The following PDE4C variants were observed in gnomAD, a reference collection of about 807,000 sequenced individuals.
PDE4C encodes the protein phosphodiesterase 4C.
In PDE4C, 50 loss-of-function variants were observed where a neutral mutation model predicts 63.9. The ratio of observed to expected loss-of-function variants is 0.78; its 90% CI spans 0.62 to 0.99. The LOEUF (loss-of-function observed/expected upper bound fraction) is 0.99, where lower values mean the gene tolerates loss of function less well. PDE4C is among the 50% of genes least tolerant of loss of function. The pLI is 0.00. For synonymous variants in PDE4C, 377 were observed against 385.1 expected (o/e 0.98, Z 0.25); for missense variants, 777 against 899.1 (o/e 0.86, Z 1.74).
rs774114607 is a variant in PDE4C, at chr19:18,226,441, C to G, written c.-26G>C. 5 of 1,368,120 alleles carry G rather than the reference C, an allele frequency of 3.7e-6. No individual in the cohort carries two copies. Among genetic ancestry groups the G allele is most frequent in the East Asian group, 3.1e-5 (1 of 32,204 alleles). The allele number at this position is 1,368,120 out of a possible 1,614,324, so 84.7% of individuals were successfully genotyped here. On this transcript the variant is annotated 5_prime_UTR_variant, in exon 1 of 15. Coordinates refer to ENST00000262805, the Ensembl canonical transcript of PDE4C. Reference sequence around the variant, plus strand: ...CGCCAGGACTGCGTGGAGGCTGGACCGAGCGCCGGCTGCGCGGGACCTTTT... The same window carrying G: ...CGCCAGGACTGCGTGGAGGCTGGACGGAGCGCCGGCTGCGCGGGACCTTTT...
At chr19:18,248,046 C>A in intron 1 of PDE4C, 1 of 381,654 alleles carries the variant, frequency 2.6e-6, no homozygotes, top group Non-Finnish European at 5.3e-6. Flanking sequence ...ATGGGAGACC[C>A]ATTCAGCTCC....
upstream of PDE4C, among the ~76,000 whole-genome samples, chr19:18,238,669 A>C (rs1456012656): frequency 6.6e-6 from 1 of 152,118 alleles, no homozygotes; most frequent in African/African-American, 2.4e-5. Context: ...TTTTTCTTAC[A>C]TTTGAGATTC....
rs926869896 is a variant in PDE4C, at chr19:18,220,453, A to G, written c.562T>C (p.Leu188=). The G allele has an allele frequency of 1.5e-5, 24 of 1,614,032 alleles. No individual in the cohort carries two copies. The Admixed American group carries it at 3.0e-4, about 20-fold the overall frequency. The change falls in exon 6 of 15, where the codon TTG becomes CTG. Residue 188 remains leucine, a synonymous_variant. Coordinates refer to ENST00000262805, the Ensembl canonical transcript of PDE4C. The surrounding 1 kb of genome is among the most constrained non-coding windows in gnomAD (Gnocchi z 5.1). Reference sequence around the variant, plus strand: ...GAGTGCCGGGTCTGCAGCGTCTCCAACTGATCCAGGCACCAGTCCAGCTCG... The same window carrying G: ...GAGTGCCGGGTCTGCAGCGTCTCCAGCTGATCCAGGCACCAGTCCAGCTCG...
chr19:18,218,537 G>A, intron 9 of PDE4C, 39 bp from the exon 10 acceptor site: 2 of 1,610,910 alleles, frequency 1.2e-6, no homozygotes, highest in Non-Finnish European at 1.7e-6. Context: ...CCTTGGCCTT[G>A]GGGCTGCAGC....
chr19:18,249,305 C>T (rs1969195398), upstream of PDE4C, among the ~76,000 whole-genome samples: 1 of 152,070 alleles, frequency 6.6e-6, no homozygotes, highest in South Asian at 2.1e-4. Context: ...GACAGGGTCT[C>T]ACTCTGTCAC....
In PDE4C at chr19:18,226,068, CAG is replaced by C. The variant is rs200112165; in HGVS notation, c.146+200_146+201del. 6.6e-5 allele frequency among the ~76,000 whole-genome samples: 10 copies of C among 152,300 alleles called. No homozygotes were observed. The East Asian group carries it at 1.9e-3, about 29-fold the overall frequency. ...GGAGACAGACGGAGACAGAGAGAGA[CAG>C]AGTCACCAACTGCGAGACAAAAGTA... On this transcript the variant is annotated intron_variant, in intron 1 of 14. Coordinates refer to ENST00000262805, the Ensembl canonical transcript of PDE4C.
At chr19:18,243,176 C>T (rs1969074184) in intron 1 of PDE4C, among the ~76,000 whole-genome samples, 1 of 152,038 alleles carries the variant, frequency 6.6e-6, no homozygotes, top group African/African-American at 2.4e-5. Context: ...GGCACAGTCT[C>T]ACTGCAACCT....
intron 1 of PDE4C, among the ~76,000 whole-genome samples, chr19:18,223,272 A>G (rs1280360892): frequency 6.9e-6 from 1 of 145,274 alleles, no homozygotes; most frequent in African/African-American, 2.6e-5. Context: ...GTGCAATGGC[A>G]CAATCTCAGC....
intron 2 of PDE4C, among the ~76,000 whole-genome samples, chr19:18,221,507 A>G (rs1349815808): frequency 6.6e-6 from 1 of 151,884 alleles, no homozygotes; most frequent in Non-Finnish European, 1.5e-5. Context: ...ATAAATGGGG[A>G]AACTGAGTCC....
Position 18,218,517 on chromosome 19 carries a change from T to A in PDE4C, c.970-19A>T. The A allele has an allele frequency of 6.2e-7, 1 of 1,613,788 alleles. No individual in the cohort carries two copies. The highest frequency in any genetic ancestry group is 8.5e-7 in the Non-Finnish European group (1 of 1,179,732). ...CCCGCTCCTGGTCCATCACAGACCC[T>A]GGCTCAGGGCCTTGGCCTTGGGGCT... On this transcript the variant is annotated intron_variant, in intron 9 of 14. Coordinates refer to ENST00000262805, the Ensembl canonical transcript of PDE4C.
chr19:18,215,836 T>C (rs1249547672), intron 12 of PDE4C, among the ~76,000 whole-genome samples: 5 of 148,532 alleles, frequency 3.4e-5, no homozygotes, highest in East Asian at 2.0e-4. Context: ...CTTTTCTTTT[T>C]TTTTTTTTTT....
chr19:18,211,639 A>T lies in PDE4C; in HGVS notation c.1695+120T>A, dbSNP rs973807534. The T allele has an allele frequency of 2.7e-6, 3 of 1,118,768 alleles. No individual in the cohort carries two copies. In the East Asian group the frequency reaches 7.1e-5, roughly 27 times the overall value. The allele number at this position is 1,118,768 out of a possible 1,614,324, so 69.3% of individuals were successfully genotyped here. A position where few individuals can be genotyped will look rare whatever the true frequency, so the allele number is the denominator to read the frequency against. ...CCAGGTCTAACTCGGCCCAGACAGC[A>T]CCCTTCAGGCACACTCCCTGGCTAG... On this transcript the variant is annotated intron_variant, in intron 14 of 14. Transcript: ENST00000262805.
At chr19:18,213,600 C>T (rs1027623345) in intron 12 of PDE4C, 110 bp from the exon 13 acceptor site, 65 of 1,193,736 alleles carry the variant, frequency 5.4e-5, no homozygotes, top group South Asian at 3.5e-4. Flanking sequence ...TGGGCCTCAG[C>T]ATACTCATCT....
upstream of PDE4C, among the ~76,000 whole-genome samples, chr19:18,231,276 C>T (rs542349306): frequency 1.9e-3 from 296 of 152,350 alleles, 3 homozygotes; most frequent in African/African-American, 6.8e-3. Flanking sequence ...CGCAGAACGA[C>T]GTGTGTGTGC....
chr19:18,241,020 G>A (rs370687928), intron 1 of PDE4C, among the ~76,000 whole-genome samples: 84 of 152,070 alleles, frequency 5.5e-4, no homozygotes, highest in African/African-American at 1.8e-3. Context: ...ACTGTTCCCC[G>A]CATTTGAGCA....
intron 13 of PDE4C, 53 bp downstream of exon 13, chr19:18,213,315 A>G: frequency 1.4e-6 from 2 of 1,476,924 alleles, no homozygotes; most frequent in Non-Finnish European, 1.8e-6. Context: ...ATAAATAAAT[A>G]AAGTAAAACC....
rs56409741 is a variant in PDE4C, at chr19:18,241,481, A to G, written c.-210+6690T>C. Among the ~76,000 whole-genome samples the G allele has an allele frequency of 7.6e-3, 1,151 of 151,582 alleles. 12 individuals are homozygous for G. The highest frequency in any genetic ancestry group is 0.012 in the Non-Finnish European group (823 of 67,888). On this transcript the variant is annotated intron_variant, in intron 1 of 15. Coordinates refer to the PDE4C transcript ENST00000594617. ...ACGGGGTCTCACCGTGTTAGCTGGG[A>G]TGGTCTCGATCTCCTGACCTCATGA...
chr19:18,225,224 CA>C (rs1489221620), intron 1 of PDE4C, among the ~76,000 whole-genome samples: 1 of 152,174 alleles, frequency 6.6e-6, no homozygotes, highest in Non-Finnish European at 1.5e-5. Flanking sequence ...TAAACTGAGC[CA>C]GGGAGGCTCG....
chr19:18,236,395 G>A (rs147170281), upstream of PDE4C, among the ~76,000 whole-genome samples: 488 of 152,112 alleles, frequency 3.2e-3, 3 homozygotes, highest in Middle Eastern at 6.8e-3. Flanking sequence ...ACTAATTTTT[G>A]TATTTTTACT....
Sources: allele counts gnomAD v4.1 joint callset (sites outside exome capture counted in the v4.1 genomes callset), GRCh38; gene constraint gnomAD v4.1.1; non-coding constraint Gnocchi (gnomAD v3.1); transcripts MANE v1.5; gene names NCBI Gene and HGNC (gene_info 2026-07-23, HGNC 2026-07-21).